The following CASQ2 variants were observed in gnomAD, a reference collection of about 807,000 sequenced individuals.
The protein encoded by CASQ2 is calsequestrin 2, also known as calsequestrin-2.
CASQ2 carries 49 observed loss-of-function variants against 46.5 expected under a neutral mutation model. The observed-to-expected ratio is 1.05, with a 90% CI of 0.84 to 1.34. CASQ2 has a LOEUF of 1.34. Among genes scored for constraint, CASQ2 ranks in the 40% most tolerant of loss-of-function variants. The pLI, the probability that CASQ2 is intolerant of heterozygous loss-of-function variation, is 0.00. For missense variants in CASQ2, 486 were observed against 481.3 expected, an observed-to-expected ratio of 1.01 and a Z score of -0.09; for synonymous variants, 174 against 168.5, an observed-to-expected ratio of 1.03 and a Z score of -0.25.
At chr1:115,701,491 C>T in intron 10 of CASQ2, 65 bp from the exon 11 acceptor site, 1 of 1,049,596 alleles carries the variant, frequency 9.5e-7, no homozygotes, top group Non-Finnish European at 1.5e-6. Flanking sequence ...CCAGGGATAG[C>T]CGTGCTGAAT....
At chr1:115,736,682 A>C (rs1250891965) in intron 4 of CASQ2, among the ~76,000 whole-genome samples, 1 of 152,134 alleles carries the variant, frequency 6.6e-6, no homozygotes, top group Non-Finnish European at 1.5e-5. Context: ...TCTCATTCAA[A>C]ATTTTTTTTA....
chr1:115,745,555 A>G (rs1648360225), intron 1 of CASQ2, among the ~76,000 whole-genome samples: 1 of 152,202 alleles, frequency 6.6e-6, no homozygotes, highest in East Asian at 1.9e-4. Context: ...CTGGGTAGAC[A>G]CCAGCATAGA....
intron 3 of CASQ2, among the ~76,000 whole-genome samples, chr1:115,739,572 G>A (rs1234187138): frequency 1.3e-5 from 2 of 152,186 alleles, no homozygotes; most frequent in Non-Finnish European, 2.9e-5. Context: ...ACTCTTAAAA[G>A]GGCAATGGGA....
rs7538337 is a variant in CASQ2 at position 115,740,905 on chromosome 1, G to A, written c.320-77C>T. The A allele has an allele frequency of 0.82, 818,688 of 1,004,416 alleles. 342,901 individuals carry two copies. The highest frequency in any genetic ancestry group is 0.88 in the Non-Finnish European group (559,926 of 637,098). 62.2% of individuals were successfully genotyped at this position (1,004,416 alleles called of 1,614,324 possible). On this transcript the variant is annotated intron_variant, in intron 2 of 10. Coordinates refer to ENST00000261448, the MANE Select transcript of CASQ2 (RefSeq NM_001232.4). Reference sequence around the variant, plus strand: ...TGATTGTATTGGCTGAGGTCTGGCTGAGGGTTTCTGGGTGACAGTGGGGTC... The same window carrying A: ...TGATTGTATTGGCTGAGGTCTGGCTAAGGGTTTCTGGGTGACAGTGGGGTC...
intron 1 of CASQ2, among the ~76,000 whole-genome samples, chr1:115,761,230 C>G (rs929256102): frequency 6.7e-6 from 1 of 149,430 alleles, no homozygotes; most frequent in Non-Finnish European, 1.5e-5. Flanking sequence ...AACCCTGTCT[C>G]TACTAAAAAT....
At chr1:115,765,703 G>A (rs1245858132) in intron 1 of CASQ2, among the ~76,000 whole-genome samples, 1 of 152,002 alleles carries the variant, frequency 6.6e-6, no homozygotes, top group South Asian at 2.1e-4. Flanking sequence ...GGTCATAGTC[G>A]GTTATGATAA....
chr1:115,733,985 TATTGATCC>T (rs376131287), intron 4 of CASQ2, among the ~76,000 whole-genome samples: 142 of 152,334 alleles, frequency 9.3e-4, no homozygotes, highest in African/African-American at 3.3e-3. Context: ...TAGAGAGAGC[TATTGATCC>T]TTAAAGAATC....
At chr1:115,717,309 C>A (rs1654731233) in intron 8 of CASQ2, among the ~76,000 whole-genome samples, 1 of 152,170 alleles carries the variant, frequency 6.6e-6, no homozygotes, top group Non-Finnish European at 1.5e-5. Flanking sequence ...GTTCTGCATA[C>A]CAATAAAACT....
chr1:115,725,994 T>C (rs908185861), intron 6 of CASQ2, among the ~76,000 whole-genome samples: 1 of 152,344 alleles, frequency 6.6e-6, no homozygotes, highest in Non-Finnish European at 1.5e-5. Context: ...GTGTATACAT[T>C]GAAAGTCCTT....
chr1:115,743,995 T>G (rs1375865638), intron 2 of CASQ2, among the ~76,000 whole-genome samples: 1 of 120,428 alleles, frequency 8.3e-6, no homozygotes, highest in East Asian at 2.3e-4. Flanking sequence ...AAAAAAAAAA[T>G]GAACTGAGCG....
chr1:115,732,624 C>A (rs568823741), intron 5 of CASQ2, among the ~76,000 whole-genome samples: 3 of 152,146 alleles, frequency 2.0e-5, no homozygotes, highest in Admixed American at 6.5e-5. Context: ...ACACTCTGGG[C>A]CCACACGTTT....
chr1:115,715,149 C>T (rs1042633214), intron 8 of CASQ2, among the ~76,000 whole-genome samples: 8 of 152,152 alleles, frequency 5.3e-5, no homozygotes, highest in Admixed American at 1.3e-4. Context: ...ACCAGGGATC[C>T]GATTCTGTTT....
chr1:115,703,772 C>T (rs1486586709), intron 9 of CASQ2, among the ~76,000 whole-genome samples: 4 of 151,964 alleles, frequency 2.6e-5, no homozygotes, highest in East Asian at 3.9e-4. Flanking sequence ...ATTAGCTGGG[C>T]GTGGTGGCAC....
intron 8 of CASQ2, among the ~76,000 whole-genome samples, chr1:115,706,796 C>T (rs1470889606): frequency 3.3e-5 from 5 of 152,170 alleles, no homozygotes; most frequent in Non-Finnish European, 7.3e-5. Flanking sequence ...TAGCAAACCT[C>T]TCCTCTCTCC....
At chr1:115,715,581 T>A (rs1275555828) in intron 8 of CASQ2, among the ~76,000 whole-genome samples, 7 of 152,238 alleles carry the variant, frequency 4.6e-5, no homozygotes, top group Admixed American at 3.9e-4. Context: ...TGCTAATGGC[T>A]ATTTATCAAA....
chr1:115,738,646 A>T (rs1328660305), intron 3 of CASQ2, among the ~76,000 whole-genome samples: 1 of 152,202 alleles, frequency 6.6e-6, no homozygotes, highest in African/African-American at 2.4e-5. Flanking sequence ...TGTTGCTATG[A>T]TCTATAAATA....
intron 3 of CASQ2, among the ~76,000 whole-genome samples, chr1:115,739,668 G>T (rs1281755248): frequency 6.6e-6 from 1 of 152,226 alleles, no homozygotes; most frequent in African/African-American, 2.4e-5. Context: ...TAGCTAACTT[G>T]AGAATAGTCA....
intron 1 of CASQ2, among the ~76,000 whole-genome samples, chr1:115,749,587 C>T (rs1322915505): frequency 6.6e-6 from 1 of 152,190 alleles, no homozygotes. Flanking sequence ...TTGCCTCCCA[C>T]GCTGATAAGA....
intron 8 of CASQ2, among the ~76,000 whole-genome samples, chr1:115,714,235 A>G (rs901277717): frequency 2.0e-5 from 3 of 152,116 alleles, no homozygotes; most frequent in African/African-American, 7.2e-5. Context: ...GTGTACATAT[A>G]AGTACACAGT....
Sources: gnomAD v4.1 joint callset for allele counts (sites outside exome capture counted in the v4.1 genomes callset) on GRCh38, gnomAD v4.1.1 for gene constraint, MANE v1.5 for transcripts, NCBI Gene and HGNC (gene_info 2026-07-23, HGNC 2026-07-21) for gene names.